LAMC1: variants seen among roughly 807,000 people sequenced by gnomAD.
LAMC1 encodes laminin subunit gamma 1.
LAMC1 carries 38 observed loss-of-function variants against 173.6 expected under a neutral mutation model. The ratio of observed to expected loss-of-function variants is 0.22; its 90% confidence interval spans 0.17 to 0.29. The LOEUF is 0.29. Among genes scored for constraint, LAMC1 ranks in the 10% least tolerant of loss-of-function variants. The pLI, the probability that LAMC1 is intolerant of heterozygous loss-of-function variation, is 1.00. For synonymous variants in LAMC1, 746 were observed against 749.1 expected (o/e 1.00, Z 0.07); for missense variants, 1,824 against 2,051.8 (o/e 0.89, Z 2.14).
At chr1:183,107,646 C>T (rs913662949) in intron 2 of LAMC1, among the ~76,000 whole-genome samples, 22 of 152,006 alleles carry the variant, frequency 1.4e-4, no homozygotes, top group African/African-American at 4.3e-4. Flanking sequence ...CTGGCTAACA[C>T]GGTGAAACCC....
intron 1 of LAMC1, among the ~76,000 whole-genome samples, chr1:183,032,293 A>G (rs1420291224): frequency 6.6e-6 from 1 of 152,230 alleles, no homozygotes; most frequent in Admixed American, 6.5e-5. Flanking sequence ...TCTTATGGTA[A>G]GGCTGGGAAA....
At position 183,074,647 on chromosome 1, in the gene LAMC1, C is replaced by G. The variant is rs147036958; in HGVS notation, c.419-28681C>G. Among the ~76,000 whole-genome samples the G allele has an allele frequency of 9.1e-4, 139 of 152,290 alleles. 1 individual carries two copies. The highest frequency in any genetic ancestry group is 3.2e-3 in the African/African-American group (131 of 41,570). On this transcript the variant is annotated intron_variant, in intron 1 of 27. Coordinates refer to ENST00000258341, the MANE Select transcript of LAMC1 (RefSeq NM_002293.4). The stretch of plus-strand genomic sequence containing the variant: ...GGCTAAGTACTTACTGAAGGAAGAG[C>G]TAGACCTTTTCTCTTTATTCTATTA...
intron 1 of LAMC1, among the ~76,000 whole-genome samples, chr1:183,080,148 G>A (rs1655231548): frequency 6.6e-6 from 1 of 152,196 alleles, no homozygotes. Flanking sequence ...GGAGGCTGAG[G>A]CAGGTGAATT....
intron 1 of LAMC1, among the ~76,000 whole-genome samples, chr1:183,072,618 A>G (rs1655036884): frequency 2.0e-5 from 3 of 152,070 alleles, no homozygotes. Context: ...GGGGTCCCCA[A>G]CCCCTGGGCC....
In LAMC1 at chr1:183,134,757, G is replaced by C. The variant is rs1205040790; in HGVS notation, c.3947G>C (p.Gly1316Ala). 2.5e-6 allele frequency: 4 copies of C among 1,613,336 alleles called. No individual in the cohort carries two copies. The highest frequency in any genetic ancestry group is 3.4e-6 in the Non-Finnish European group (4 of 1,179,688). Residue 1316 changes from glycine to alanine, a missense_variant, in exon 23 of 28, where the codon GGG (glycine) becomes GCG (alanine). Physicochemically the swap from Gly to Ala is moderately conservative, Grantham distance 60. Transcript: ENST00000258341. ...GAGGACCTCAGAGAAGATATGAGAG[G>C]GAAGGAACTTGAAGTCAAGAACCTT... ...DYEDLREDMR[G>A]KELEVKNLLE...
Position 183,023,544 on chromosome 1 carries a change from G to A in LAMC1, c.-173G>A. The A allele has an allele frequency of 3.1e-6, 1 of 325,972 alleles. No homozygotes were observed. 20.2% of individuals were successfully genotyped at this position (325,972 alleles called of 1,614,324 possible). On this transcript the variant is annotated 5_prime_UTR_variant, in exon 1 of 28. Transcript: ENST00000258341. ...TCGGCGAGCAGCGCGGTCCTCGCTA[G>A]GGGCGCCCACCCGTCAGTCTCTCCG...
intron 2 of LAMC1, among the ~76,000 whole-genome samples, chr1:183,105,306 C>G (rs1214328148): frequency 2.0e-5 from 3 of 149,564 alleles, no homozygotes; most frequent in Non-Finnish European, 4.4e-5. Flanking sequence ...AGGTGACCTA[C>G]AAATACTCTT....
chr1:183,115,303 A>G (rs1038049170), intron 5 of LAMC1, among the ~76,000 whole-genome samples: 1 of 152,164 alleles, frequency 6.6e-6, no homozygotes, highest in Non-Finnish European at 1.5e-5. Context: ...TCATCTTAGC[A>G]TGTGTCTAGA....
chr1:183,033,148 A>G (rs78082708), intron 1 of LAMC1, among the ~76,000 whole-genome samples: 6,770 of 152,278 alleles, frequency 0.044, 301 homozygotes, highest in African/African-American at 0.12. Flanking sequence ...CATCTAAAAT[A>G]TATTTCTCTT....
intron 1 of LAMC1, among the ~76,000 whole-genome samples, chr1:183,076,147 T>C (rs975941204): frequency 6.6e-6 from 1 of 152,216 alleles, no homozygotes; most frequent in African/African-American, 2.4e-5. Context: ...AACTTTTTTT[T>C]CTTTAGCAAT....
At chr1:183,131,838 A>T (rs911475635) in intron 20 of LAMC1, among the ~76,000 whole-genome samples, 3 of 152,222 alleles carry the variant, frequency 2.0e-5, no homozygotes, top group Non-Finnish European at 4.4e-5. Context: ...AAGAATTATA[A>T]ACATTTTCTC....
rs768898487 is a variant in LAMC1, at chr1:183,116,628, A to T, written c.1380A>T (p.Thr460=). 1.2e-6 allele frequency: 2 copies of T among 1,613,462 alleles called. No homozygotes were observed. Among genetic ancestry groups the T allele is most frequent in the African/African-American group, 2.7e-5 (2 of 74,942 alleles). ...SGSIDECNIE[T]GRCVCKDNVE... ...GCATAGATGAATGTAATATTGAAACAGGAAGATGTGTTTGCAAAGACAATG... is the reference window on the plus strand; with the variant it reads ...GCATAGATGAATGTAATATTGAAACTGGAAGATGTGTTTGCAAAGACAATG... The change falls in exon 7 of 28, where the codon ACA becomes ACT. Residue 460 remains threonine, a synonymous_variant. Coordinates refer to ENST00000258341, the MANE Select transcript of LAMC1 (RefSeq NM_002293.4).
intron 1 of LAMC1, among the ~76,000 whole-genome samples, chr1:183,045,790 A>C (rs914939606): frequency 2.6e-5 from 4 of 152,098 alleles, no homozygotes; most frequent in Admixed American, 2.0e-4. Flanking sequence ...CAGTGTTAAT[A>C]GGCCTGTTGA....
At chr1:183,065,229 T>C (rs1654847788) in intron 1 of LAMC1, among the ~76,000 whole-genome samples, 1 of 152,188 alleles carries the variant, frequency 6.6e-6, no homozygotes, top group Non-Finnish European at 1.5e-5. Flanking sequence ...ATGTGGTTCG[T>C]CTTTGACTGA....
At position 183,121,994 on chromosome 1, in the gene LAMC1, T is replaced by C. The variant is rs370277159; in HGVS notation, c.2212+50T>C. ...AGACCTAACTTCTCTTTAGCAATTG[T>C]GTAGAAAGTGCTCATTGTCTTATAT... On this transcript the variant is annotated intron_variant, in intron 12 of 27. Coordinates refer to ENST00000258341, the MANE Select transcript of LAMC1 (RefSeq NM_002293.4). 1,898 of 1,606,720 alleles carry C rather than the reference T, an allele frequency of 1.2e-3. 6 individuals carry two copies. The highest frequency in any genetic ancestry group is 2.7e-3 in the South Asian group (242 of 90,730).
Position 183,124,882 on chromosome 1 carries a change from C to T in LAMC1, c.2647+6C>T. On this transcript the variant is annotated splice_donor_region_variant and intron_variant, in intron 14 of 27. Coordinates refer to ENST00000258341, the MANE Select transcript of LAMC1 (RefSeq NM_002293.4). ...TCCAGCAGACAAATGCAAAGGTAAT[C>T]AGCCTTTGATCAGATTCTGTCACAG... The T allele has an allele frequency of 6.2e-7, 1 of 1,613,618 alleles. No homozygotes were observed. Among genetic ancestry groups the T allele is most frequent in the Non-Finnish European group, 8.5e-7 (1 of 1,179,576 alleles).
intron 1 of LAMC1, among the ~76,000 whole-genome samples, chr1:183,098,150 T>C (rs1451584966): frequency 6.6e-6 from 1 of 152,172 alleles, no homozygotes; most frequent in Non-Finnish European, 1.5e-5. Context: ...CTGGTCCAGT[T>C]TTCTATTCAT....
chr1:183,090,439 G>A lies in LAMC1; in HGVS notation c.419-12889G>A, dbSNP rs151289426. 2.3e-3 allele frequency among the ~76,000 whole-genome samples: 344 copies of A among 152,256 alleles called. 1 individual carries two copies. Among genetic ancestry groups the A allele is most frequent in the South Asian group, 6.4e-3 (31 of 4,828 alleles). On this transcript the variant is annotated intron_variant, in intron 1 of 27. Coordinates refer to ENST00000258341, the MANE Select transcript of LAMC1 (RefSeq NM_002293.4). ...GTGTGTAGAGTGTACATTCTTACTC[G>A]TCTGCAAAGAGGGTGGATGAATGAA...
At chr1:183,049,129 T>TC (rs1341310967) in intron 1 of LAMC1, among the ~76,000 whole-genome samples, 2 of 152,246 alleles carry the variant, frequency 1.3e-5, no homozygotes, top group Admixed American at 1.3e-4. Flanking sequence ...GAGCAAATTC[T>TC]CCAAGTTTTC....
Sources: allele counts gnomAD v4.1 joint callset (sites outside exome capture counted in the v4.1 genomes callset), GRCh38; gene constraint gnomAD v4.1.1; transcripts MANE v1.5; gene names NCBI Gene and HGNC (gene_info 2026-07-23, HGNC 2026-07-21).